Variants in VPS13C observed in about 807,000 individuals in gnomAD.
VPS13C encodes the protein vacuolar protein sorting 13 homolog C, also known as intermembrane lipid transfer protein VPS13C.
A neutral mutation model predicts 456.8 loss-of-function variants in VPS13C; 358 were observed. The ratio of observed to expected loss-of-function variants is 0.78; its 90% CI spans 0.72 to 0.86. The LOEUF is 0.86. Ranked by LOEUF, VPS13C falls within the 40% of genes least tolerant of loss-of-function variation. The pLI is 0.00. For synonymous variants in VPS13C, 1,578 were observed against 1,486.7 expected (o/e 1.06, Z -1.41); for missense variants, 4,818 against 4,385.4 (o/e 1.10, Z -2.79).
intron 67 of VPS13C, 61 bp from the exon 68 acceptor site, chr15:61,884,330 TTCA>T: frequency 1.3e-6 from 2 of 1,513,498 alleles, no homozygotes; most frequent in Non-Finnish European, 1.8e-6. Flanking sequence ...TGGAACTTTA[TTCA>T]ACTCCAGATT....
chr15:62,040,416 G>A (rs1285343031), intron 3 of VPS13C, among the ~76,000 whole-genome samples: 4 of 151,936 alleles, frequency 2.6e-5, no homozygotes, highest in East Asian at 1.9e-4. Flanking sequence ...CATTTACCCC[G>A]ATGTGATTAT....
chr15:61,979,712 C>A (rs181449090), intron 22 of VPS13C, among the ~76,000 whole-genome samples: 2 of 152,316 alleles, frequency 1.3e-5, no homozygotes, highest in Non-Finnish European at 2.9e-5. Context: ...GACATTTCAA[C>A]TGATTCAGCT....
At chr15:61,872,916 C>G (rs1443405516) in intron 78 of VPS13C, among the ~76,000 whole-genome samples, 1 of 152,080 alleles carries the variant, frequency 6.6e-6, no homozygotes, top group Non-Finnish European at 1.5e-5. Context: ...ATCCCTTCCA[C>G]AGAAACAGTC....
At chr15:61,862,946 C>G (rs1894305883) in intron 82 of VPS13C, among the ~76,000 whole-genome samples, 1 of 152,030 alleles carries the variant, frequency 6.6e-6, no homozygotes, top group South Asian at 2.1e-4. Flanking sequence ...GGAAAATAAG[C>G]TTGGTAGTTT....
intron 66 of VPS13C, among the ~76,000 whole-genome samples, chr15:61,902,642 GGT>G (rs1232755965): frequency 6.6e-6 from 1 of 152,072 alleles, no homozygotes; most frequent in Non-Finnish European, 1.5e-5. Flanking sequence ...GACAAAATTT[GGT>G]ATTGCTTTAT....
Position 61,915,856 on chromosome 15 carries a change from A to C in VPS13C, c.8222T>G (p.Phe2741Cys). Residue 2741 changes from phenylalanine (F) to cysteine (C), a missense_variant, in exon 61 of 85, where the codon TTT (phenylalanine) becomes TGT (cysteine). Physicochemically the swap from Phe to Cys is radical, Grantham distance 205. Around this residue, in one of 3 missense-constraint regions of VPS13C, gnomAD observed 4,552 missense variants for 4,130.6 expected, o/e 1.10. Coordinates refer to ENST00000644861, the MANE Select transcript of VPS13C (RefSeq NM_020821.3). The part of the protein sequence containing the change: ...DTLPEFFPVC[F>C]SSDSTEVTTV... Reference sequence around the variant, plus strand: ...CGTCACTTCTGTGGAGTCAGAAGAAAAACACACAGGAAAGAATTCTGGTAG... The same window carrying C: ...CGTCACTTCTGTGGAGTCAGAAGAACAACACACAGGAAAGAATTCTGGTAG... 1.2e-6 allele frequency: 2 copies of C among 1,614,062 alleles called. No homozygotes were observed. The highest frequency in any genetic ancestry group is 1.7e-6 in the Non-Finnish European group (2 of 1,180,022).
chr15:61,885,221 T>C (rs1445602234), intron 67 of VPS13C, among the ~76,000 whole-genome samples: 1 of 152,122 alleles, frequency 6.6e-6, no homozygotes, highest in Non-Finnish European at 1.5e-5. Flanking sequence ...TTGACTATAC[T>C]GTAGTATAAA....
At position 62,012,164 on chromosome 15, in the gene VPS13C, C is replaced by T. The variant is rs770651634; in HGVS notation, c.826G>A (p.Asp276Asn). 6.5e-7 allele frequency: 1 copy of T among 1,532,230 alleles called. No individual in the cohort carries two copies. Among genetic ancestry groups the T allele is most frequent in the Admixed American group, 1.7e-5 (1 of 58,038 alleles). 94.9% of individuals were successfully genotyped at this position (1,532,230 alleles called of 1,614,324 possible). A position where few individuals can be genotyped will look rare whatever the true frequency, so the allele number is the denominator to read the frequency against. ...GTAAGAATTTCATTTTTCAGCTGAT[C>T]CTAAACAAAAAATTTGAATGAGAAT... The part of the protein sequence containing the change: ...SYQRSREQIL[D>N]QLKNEILTSG... The change falls in exon 12 of 85, where the codon GAT (aspartate) becomes AAT (asparagine). Residue 276 changes from aspartate (D) to asparagine (N), a missense_variant and splice_region_variant. Around this residue, in one of 3 missense-constraint regions of VPS13C, gnomAD observed 4,552 missense variants for 4,130.6 expected, o/e 1.10. Transcript: ENST00000644861.
At chr15:61,954,984 G>C (rs1051653410) in intron 37 of VPS13C, among the ~76,000 whole-genome samples, 3 of 152,094 alleles carry the variant, frequency 2.0e-5, no homozygotes, top group Non-Finnish European at 4.4e-5. Flanking sequence ...GTTTGATATG[G>C]TTGAATCATA....
intron 19 of VPS13C, 58 bp from the exon 20 acceptor site, chr15:61,984,070 A>C: frequency 6.7e-7 from 1 of 1,497,404 alleles, no homozygotes; most frequent in Non-Finnish European, 9.1e-7. Flanking sequence ...AATCTAATGG[A>C]CTAAAATACA....
intron 22 of VPS13C, 152 bp from the exon 23 acceptor site, chr15:61,978,901 G>A: frequency 5.6e-6 from 4 of 709,660 alleles, no homozygotes; most frequent in Non-Finnish European, 8.5e-6. Context: ...TTAATTTTCA[G>A]ATAATTATTT....
intron 50 of VPS13C, among the ~76,000 whole-genome samples, 154 bp from the exon 51 acceptor site, chr15:61,929,902 T>C (rs1404818196): frequency 1.3e-5 from 2 of 152,216 alleles, no homozygotes; most frequent in Non-Finnish European, 2.9e-5. Context: ...AATTTATCCA[T>C]TAGTAAACAA....
chr15:61,869,440 T>C (rs1181489411), intron 80 of VPS13C, 60 bp downstream of exon 80: 2 of 1,575,084 alleles, frequency 1.3e-6, no homozygotes, highest in Non-Finnish European at 1.7e-6. Flanking sequence ...TCTATTTATG[T>C]ATTCCTTGTA....
intron 15 of VPS13C, among the ~76,000 whole-genome samples, chr15:62,006,000 G>A (rs553047262): frequency 1.3e-4 from 19 of 151,956 alleles, no homozygotes; most frequent in East Asian, 5.8e-4. Flanking sequence ...CACCACGCCC[G>A]GCCGTGTTTC....
chr15:61,914,309 C>A (rs750358814), intron 61 of VPS13C, among the ~76,000 whole-genome samples: 1 of 152,036 alleles, frequency 6.6e-6, no homozygotes, highest in African/African-American at 2.4e-5. Flanking sequence ...TGGCTCACAC[C>A]TGTAATCCCA....
intron 82 of VPS13C, among the ~76,000 whole-genome samples, chr15:61,859,320 G>A (rs1832498317): frequency 6.6e-6 from 1 of 152,136 alleles, no homozygotes; most frequent in South Asian, 2.1e-4. Flanking sequence ...TCACGATCGA[G>A]CCACTGCACT....
rs931268614 is a variant in VPS13C, at chr15:61,881,502, A to G, written c.9776+61T>C. 8 of 1,478,676 alleles carry G rather than the reference A, an allele frequency of 5.4e-6. No individual in the cohort carries two copies. In the African/African-American group the frequency reaches 1.1e-4, roughly 21 times the overall value. 91.6% of individuals were successfully genotyped at this position (1,478,676 alleles called of 1,614,324 possible). A position where few individuals can be genotyped will look rare whatever the true frequency, so the allele number is the denominator to read the frequency against. On this transcript the variant is annotated intron_variant, in intron 71 of 84. Coordinates refer to ENST00000644861, the MANE Select transcript of VPS13C (RefSeq NM_020821.3). ...GTCACTTTCAAAAAGAGTAAGATTT[A>G]TTTTCAAAGTAGATTCTCATTTTAA...
chr15:61,975,042 G>T (rs2045663793), intron 24 of VPS13C, among the ~76,000 whole-genome samples: 1 of 152,068 alleles, frequency 6.6e-6, no homozygotes, highest in Non-Finnish European at 1.5e-5. Flanking sequence ...AGCTGTTGTT[G>T]TTTATCTTTG....
At chr15:61,938,752 T>C (rs1393630075) in intron 47 of VPS13C, among the ~76,000 whole-genome samples, 2 of 152,288 alleles carry the variant, frequency 1.3e-5, no homozygotes, top group East Asian at 1.9e-4. Context: ...AGCTGCAATA[T>C]TTCCTTCAGA....
Sources: allele counts gnomAD v4.1 joint callset (sites outside exome capture counted in the v4.1 genomes callset), GRCh38; gene constraint gnomAD v4.1.1; regional missense constraint gnomAD v4.1.1; transcripts MANE v1.5; gene names NCBI Gene and HGNC (gene_info 2026-07-23, HGNC 2026-07-21).